The following IWS1 variants were observed in gnomAD, a reference collection of about 807,000 sequenced individuals.
The protein encoded by IWS1 is protein IWS1 homolog.
Under a neutral mutation model 86.7 loss-of-function variants are expected in IWS1, and 27 were observed. The ratio of observed to expected loss-of-function variants is 0.31; its 90% CI spans 0.23 to 0.43. The LOEUF is 0.43. Among genes scored for constraint, IWS1 ranks in the 20% least tolerant of loss-of-function variants. The pLI, the probability that IWS1 is intolerant of heterozygous loss-of-function variation, is 1.00. For missense variants in IWS1, 827 were observed against 1,000.8 expected, an observed-to-expected ratio of 0.83 and a Z score of 2.34; for synonymous variants, 313 against 335.1, an observed-to-expected ratio of 0.93 and a Z score of 0.72.
intron 2 of IWS1, among the ~76,000 whole-genome samples, chr2:127,514,059 G>C (rs1016796884): frequency 6.6e-6 from 1 of 152,178 alleles, no homozygotes; most frequent in African/African-American, 2.4e-5. Context: ...TTTCCTGAGT[G>C]GTTCTTTCTG....
Position 127,518,463 on chromosome 2 carries a change from G to A in IWS1, c.150+5213C>T, listed in dbSNP as rs947943495. 4.9e-4 allele frequency among the ~76,000 whole-genome samples: 75 copies of A among 151,848 alleles called. 2 individuals carry two copies. Among genetic ancestry groups the A allele is most frequent in the Non-Finnish European group, 8.8e-5 (6 of 68,002 alleles). On this transcript the variant is annotated intron_variant, in intron 2 of 13. Transcript: ENST00000295321. ...TGGGAGGTTGAGGCTGCAGTGAGCT[G>A]TGATTGTGCCACTACACTCCAGCCC...
At chr2:127,494,245 TAAAAAAA>T (rs11327472) in intron 8 of IWS1, among the ~76,000 whole-genome samples, 2 of 94,090 alleles carry the variant, frequency 2.1e-5, no homozygotes, top group African/African-American at 8.5e-5. Context: ...TGTCTCTAAT[TAAAAAAA>T]AAAAAAAAAA....
Position 127,505,062 on chromosome 2 carries a change from G to T in IWS1, c.841C>A (p.Pro281Thr). The change falls in exon 3 of 14, where the codon CCC becomes ACC. Residue 281 changes from proline to threonine, a missense_variant. By Grantham distance (38) the Pro-to-Thr change is conservative. Coordinates refer to ENST00000295321, the MANE Select transcript of IWS1 (RefSeq NM_017969.3). This position sits in a 1 kb window ranked among gnomAD's most constrained non-coding sequence, Gnocchi z 5.0. The part of the protein sequence containing the change: ...PRISDSESED[P>T]PRNQASDSEN... ...GAATCACTGGCCTGGTTCCTTGGGG[G>T]ATCCTCACTTTCCGAATCACTGATT... The T allele has an allele frequency of 2.5e-6, 4 of 1,612,000 alleles. No individual in the cohort carries two copies. The highest frequency in any genetic ancestry group is 3.4e-6 in the Non-Finnish European group (4 of 1,179,424).
chr2:127,510,089 T>C (rs1481449217), intron 2 of IWS1, among the ~76,000 whole-genome samples: 2 of 152,200 alleles, frequency 1.3e-5, no homozygotes, highest in East Asian at 1.9e-4. Context: ...CATTATAAAC[T>C]GGTAAAATGC....
intron 2 of IWS1, among the ~76,000 whole-genome samples, chr2:127,519,168 A>G (rs1467072541): frequency 2.0e-5 from 3 of 152,208 alleles, no homozygotes; most frequent in African/African-American, 4.8e-5. Context: ...ATGTTATTAG[A>G]AATGGCCATT....
intron 13 of IWS1, among the ~76,000 whole-genome samples, chr2:127,483,571 C>CGGGGGGGGGGGGGGGGG (rs1419283644): frequency 3.5e-4 from 7 of 20,174 alleles, no homozygotes; most frequent in African/African-American, 7.4e-4. Context: ...ATAATTTGGT[C>CGGGGGGGGGGGGGGGGG]GGGGCGGGGG....
chr2:127,509,767 T>C (rs1382216517), intron 2 of IWS1, among the ~76,000 whole-genome samples: 2 of 139,300 alleles, frequency 1.4e-5, no homozygotes, highest in Non-Finnish European at 3.1e-5. Flanking sequence ...TTCTTAGCCA[T>C]CATTCACACT....
intron 2 of IWS1, among the ~76,000 whole-genome samples, chr2:127,510,648 A>G (rs761165389): frequency 6.7e-6 from 1 of 150,324 alleles, no homozygotes; most frequent in Non-Finnish European, 1.5e-5. Context: ...ACACGCCACC[A>G]CGTCCGGATA....
intron 5 of IWS1, among the ~76,000 whole-genome samples, chr2:127,500,970 G>A (rs1299954354): frequency 1.3e-5 from 2 of 152,146 alleles, no homozygotes; most frequent in Non-Finnish European, 2.9e-5. Context: ...AAAGGCCTAT[G>A]AGCACTTCAA....
chr2:127,526,529 A>C, upstream of IWS1: 1 of 1,462,050 alleles, frequency 6.8e-7, no homozygotes, highest in Non-Finnish European at 9.2e-7. Context: ...CAGGCGCCGC[A>C]ACCCGTCAAC....
intron 10 of IWS1, 38 bp downstream of exon 10, chr2:127,491,933 C>T (rs1257982068): frequency 1.7e-6 from 2 of 1,194,986 alleles, no homozygotes; most frequent in South Asian, 2.4e-5. Flanking sequence ...CTTATCTATA[C>T]ACATAAACAC....
intron 2 of IWS1, among the ~76,000 whole-genome samples, chr2:127,520,304 G>A (rs1692022534): frequency 6.6e-6 from 1 of 152,122 alleles, no homozygotes; most frequent in Non-Finnish European, 1.5e-5. Context: ...AGGTAGCTGG[G>A]ACTACAGGCG....
intron 12 of IWS1, among the ~76,000 whole-genome samples, chr2:127,488,634 T>TAAATC (rs1690058285): frequency 6.6e-6 from 1 of 152,218 alleles, no homozygotes; most frequent in Non-Finnish European, 1.5e-5. Context: ...ATCAGCACCC[T>TAAATC]AAATCAAATC....
chr2:127,523,513 C>T (rs1233553962), intron 2 of IWS1, among the ~76,000 whole-genome samples, 163 bp downstream of exon 2: 1 of 152,172 alleles, frequency 6.6e-6, no homozygotes, highest in East Asian at 1.9e-4. Context: ...GTAACCAGAC[C>T]ATCCCTATTT....
chr2:127,501,910 G>A (rs1690838194), intron 5 of IWS1: 1 of 151,868 alleles, frequency 6.6e-6, no homozygotes, highest in Non-Finnish European at 1.5e-5. Context: ...ATTTCTACTT[G>A]GTTCTTTTCC....
intron 13 of IWS1, among the ~76,000 whole-genome samples, chr2:127,482,087 T>C (rs1037143184): frequency 2.0e-5 from 3 of 152,206 alleles, no homozygotes; most frequent in African/African-American, 4.8e-5. Flanking sequence ...ATTCAGATGT[T>C]TAAGAATGAT....
chr2:127,505,661 T>G lies in IWS1; in HGVS notation c.242A>C (p.Asp81Ala), dbSNP rs1244477324. The G allele has an allele frequency of 1.2e-6, 2 of 1,613,934 alleles. No homozygotes were observed. Among genetic ancestry groups the G allele is most frequent in the Non-Finnish European group, 1.7e-6 (2 of 1,179,968 alleles). Residue 81 changes from aspartate (D) to alanine (A), a missense_variant, in exon 3 of 14, where the codon GAC becomes GCC. Coordinates refer to ENST00000295321, the MANE Select transcript of IWS1 (RefSeq NM_017969.3). The surrounding 1 kb of genome is among the most constrained non-coding windows in gnomAD (Gnocchi z 5.0). ...NDEPLNLNAS[D>A]SESEELHRQK... ...CCTGTGAAGCTCCTCACTTTCAGAG[T>G]CACTAGCATTAAGATTTAAGGGCTC...
intron 13 of IWS1, among the ~76,000 whole-genome samples, chr2:127,481,826 A>C (rs1689645728): frequency 6.6e-6 from 1 of 152,126 alleles, no homozygotes; most frequent in African/African-American, 2.4e-5. Flanking sequence ...ACAGAGGCTG[A>C]GCACATATAG....
intron 12 of IWS1, among the ~76,000 whole-genome samples, chr2:127,487,709 T>C (rs1027957239): frequency 3.3e-5 from 5 of 152,046 alleles, no homozygotes; most frequent in African/African-American, 1.2e-4. Flanking sequence ...CGCCACCACG[T>C]CCAGCTAATT....
Sources: allele counts gnomAD v4.1 joint callset (sites outside exome capture counted in the v4.1 genomes callset), GRCh38; gene constraint gnomAD v4.1.1; non-coding constraint Gnocchi (gnomAD v3.1); transcripts MANE v1.5; gene names NCBI Gene and HGNC (gene_info 2026-07-23, HGNC 2026-07-21).